The following EIF5B variants were observed in gnomAD, a reference collection of about 807,000 sequenced individuals.
EIF5B encodes eukaryotic translation initiation factor 5B.
EIF5B carries 47 observed loss-of-function variants against 147.5 expected under a neutral mutation model. The observed-to-expected ratio is 0.32, with a 90% CI of 0.25 to 0.41. The LOEUF is 0.41. Among genes scored for constraint, EIF5B ranks in the 10% least tolerant of loss-of-function variants. EIF5B has a pLI of 1.00. For missense variants in EIF5B, 1,064 were observed against 1,413.2 expected (o/e 0.75, Z 3.96); for synonymous variants, 455 against 456.2 (o/e 1.00, Z 0.03).
At chr2:99,354,021 A>C (rs950129835) in intron 1 of EIF5B, among the ~76,000 whole-genome samples, 1 of 152,212 alleles carries the variant, frequency 6.6e-6, no homozygotes, top group Non-Finnish European at 1.5e-5. Context: ...CATGAACATA[A>C]ATTTTTGTTA....
intron 1 of EIF5B, among the ~76,000 whole-genome samples, chr2:99,359,378 A>G (rs1674158441): frequency 6.8e-6 from 1 of 146,560 alleles, no homozygotes; most frequent in South Asian, 2.2e-4. Context: ...CAAAAAAAGG[A>G]AAAAAAAAAA....
At position 99,355,610 on chromosome 2, in the gene EIF5B, G is replaced by GTT. The variant is rs67037124; in HGVS notation, c.36-4607_36-4606dup. Among the ~76,000 whole-genome samples the GTT allele has an allele frequency of 5.2e-3, 510 of 98,628 alleles. 8 individuals carry two copies. Among genetic ancestry groups the GTT allele is most frequent in the Middle Eastern group, 7.6e-3 (1 of 132 alleles). 64.7% of individuals were successfully genotyped at this position (98,628 alleles called of 152,430 possible). ...GTTTGTTTGTTTTTTTGTTTTTTGG[G>GTT]TTTTTTTTTTTTTTTTTTTTGAGAC... On this transcript the variant is annotated intron_variant, in intron 1 of 23. Coordinates refer to ENST00000289371, the MANE Select transcript of EIF5B (RefSeq NM_015904.4).
intron 22 of EIF5B, chr2:99,398,525 C>T: frequency 4.9e-6 from 2 of 407,238 alleles, no homozygotes; most frequent in South Asian, 7.9e-5. Context: ...TTTTGCAAAG[C>T]ACATTATCTC....
intron 6 of EIF5B, among the ~76,000 whole-genome samples, chr2:99,368,118 T>G (rs1479674358): frequency 6.6e-6 from 1 of 152,180 alleles, no homozygotes; most frequent in African/African-American, 2.4e-5. Flanking sequence ...GACCGTAAGA[T>G]TCCATTTATG....
intron 1 of EIF5B, among the ~76,000 whole-genome samples, chr2:99,353,005 C>CTTTTGTTTTTTTTTTT: frequency 1.6e-5 from 1 of 62,850 alleles, no homozygotes; most frequent in Non-Finnish European, 2.7e-5. Context: ...TCTTCTTCTT[C>CTTTTGTTTTTTTTTTT]TTTTTTTTTT....
chr2:99,363,075 G>A (rs111819552), intron 4 of EIF5B, among the ~76,000 whole-genome samples: 20 of 152,200 alleles, frequency 1.3e-4, no homozygotes, highest in African/African-American at 4.6e-4. Context: ...TTAAATGCTA[G>A]CATATTTATT....
Position 99,356,221 on chromosome 2 carries a change from G to C in EIF5B, c.36-4015G>C, listed in dbSNP as rs375909249. Among the ~76,000 whole-genome samples, 63 of 152,224 alleles carry C rather than the reference G, an allele frequency of 4.1e-4. 2 individuals are homozygous for C. In the South Asian group the frequency reaches 0.012, roughly 30 times the overall value. On this transcript the variant is annotated intron_variant, in intron 1 of 23. Coordinates refer to ENST00000289371, the MANE Select transcript of EIF5B (RefSeq NM_015904.4). ...GTTTCTCAGATTTCATTATATCACT[G>C]ATGTCGATGTTGATCACTTGGCTGA...
intron 12 of EIF5B, 84 bp from the exon 13 acceptor site, chr2:99,382,075 A>G: frequency 8.6e-7 from 1 of 1,162,290 alleles, no homozygotes; most frequent in Non-Finnish European, 1.3e-6. Context: ...ATACTTTCAG[A>G]GTTTTATGGC....
chr2:99,339,794 T>G (rs1187754887), intron 1 of EIF5B, among the ~76,000 whole-genome samples: 1 of 152,216 alleles, frequency 6.6e-6, no homozygotes, highest in Non-Finnish European at 1.5e-5. Flanking sequence ...CATTGATTTA[T>G]AAAGATTTTC....
chr2:99,386,468 CGTGTGTGTGTGTGTGTGTGTGT>C (rs61494312), intron 14 of EIF5B, among the ~76,000 whole-genome samples: 1 of 142,414 alleles, frequency 7.0e-6, no homozygotes, highest in African/African-American at 2.6e-5. Context: ...TTTTGTTTTG[CGTGTGTGTGTGTGTGTGTGTGT>C]GTGTGTGTGT....
At chr2:99,353,760 A>T (rs1023982905) in intron 1 of EIF5B, among the ~76,000 whole-genome samples, 5 of 152,198 alleles carry the variant, frequency 3.3e-5, no homozygotes, top group Admixed American at 2.6e-4. Flanking sequence ...AAAATGTTGT[A>T]TTAATGGAAT....
intron 18 of EIF5B, 127 bp downstream of exon 18, chr2:99,393,225 CT>C: frequency 4.1e-6 from 3 of 737,640 alleles, no homozygotes; most frequent in Non-Finnish European, 5.8e-6. Flanking sequence ...TTCTTGGCCT[CT>C]TAGCAAACTT....
rs1427447622 is a variant in EIF5B at position 99,363,724 on chromosome 2, A to G, written c.999A>G (p.Lys333=). Reference sequence around the variant, plus strand: ...AGGAAGAAAAAGAGAAAGAGAAGAAAAAAGGACCTAGCAAAGCCACTGTTA... The same window carrying G: ...AGGAAGAAAAAGAGAAAGAGAAGAAGAAAGGACCTAGCAAAGCCACTGTTA... The part of the protein sequence containing the change: ...GEKEEKEKEK[K]KGPSKATVKA... The change falls in exon 5 of 24, where the codon AAA becomes AAG. Residue 333 remains lysine, a synonymous_variant. Coordinates refer to ENST00000289371, the MANE Select transcript of EIF5B (RefSeq NM_015904.4). 6.2e-7 allele frequency: 1 copy of G among 1,607,500 alleles called. No individual in the cohort carries two copies. Among genetic ancestry groups the G allele is most frequent in the East Asian group, 2.2e-5 (1 of 44,852 alleles).
At position 99,337,559 on chromosome 2, in the gene EIF5B, G is replaced by A; in HGVS notation, c.5G>A (p.Gly2Glu). The A allele has an allele frequency of 6.2e-7, 1 of 1,613,040 alleles. No individual in the cohort carries two copies. The highest frequency in any genetic ancestry group is 8.5e-7 in the Non-Finnish European group (1 of 1,179,578). Residue 2 changes from glycine (G) to glutamate (E), a missense_variant, in exon 1 of 24, where the codon GGG becomes GAG. Gly to Glu is a moderately conservative substitution (Grantham distance 98). This residue lies in a region of EIF5B where 458 missense variants were observed against 451.3 expected (regional missense o/e 1.01). Coordinates refer to ENST00000289371, the MANE Select transcript of EIF5B (RefSeq NM_015904.4). ...CACGAGCGCCATTGACAAGCAATGG[G>A]GAAGAAACAGAAAAACAAGAGCGAA... M[G>E]KKQKNKSEDS...
rs1409149490 is a variant in EIF5B, at chr2:99,399,659, C to T, written c.*245C>T. The T allele has an allele frequency of 4.9e-6, 2 of 411,896 alleles. No homozygotes were observed. The highest frequency in any genetic ancestry group is 9.0e-6 in the Non-Finnish European group (2 of 221,714). The allele number at this position is 411,896 out of a possible 1,614,324, so 25.5% of individuals were successfully genotyped here. ...TTCACTCACCTCTCCCTTCCCCAAC[C>T]CTTCTCTACTTGGCTGCTGTTTTAA... is the stretch of plus-strand genomic sequence containing the variant. On this transcript the variant is annotated 3_prime_UTR_variant, in exon 24 of 24. Coordinates refer to ENST00000289371, the MANE Select transcript of EIF5B (RefSeq NM_015904.4).
chr2:99,381,518 G>GT (rs797002764), intron 12 of EIF5B, among the ~76,000 whole-genome samples: 5,376 of 142,998 alleles, frequency 0.038, 158 homozygotes, highest in African/African-American at 0.067. Context: ...ACAAAAAGGG[G>GT]GTGTGTGTGT....
chr2:99,367,034 G>C (rs544980406), intron 6 of EIF5B, among the ~76,000 whole-genome samples: 7 of 152,300 alleles, frequency 4.6e-5, no homozygotes, highest in African/African-American at 1.7e-4. Context: ...TATAAAAATT[G>C]ACCCAAATGG....
At chr2:99,397,782 T>G (rs2104261908) in intron 22 of EIF5B, 1 of 152,284 alleles carries the variant, frequency 6.6e-6, no homozygotes, top group East Asian at 1.9e-4. Context: ...TCAACAGCCT[T>G]TATCCCAGTG....
chr2:99,368,392 G>T (rs1035010453), intron 6 of EIF5B, 101 bp from the exon 7 acceptor site: 11 of 807,298 alleles, frequency 1.4e-5, no homozygotes, highest in African/African-American at 3.5e-5. Flanking sequence ...ATATTTTAGG[G>T]TATGTGTCTC....
Sources: gnomAD v4.1 joint callset for allele counts (sites outside exome capture counted in the v4.1 genomes callset) on GRCh38, gnomAD v4.1.1 for gene constraint, gnomAD v4.1.1 regional missense constraint, MANE v1.5 for transcripts, NCBI Gene and HGNC (gene_info 2026-07-23, HGNC 2026-07-21) for gene names.